Variants in CEP63 observed in about 807,000 individuals in gnomAD.
CEP63 encodes centrosomal protein 63, also known as centrosomal protein of 63 kDa.
Under a neutral mutation model 89.1 loss-of-function variants are expected in CEP63, and 84 were observed. The ratio of observed to expected loss-of-function variants is 0.94; its 90% CI spans 0.79 to 1.13. The LOEUF (loss-of-function observed/expected upper bound fraction) is 1.13. CEP63 is among the 50% of genes most tolerant of loss of function. The pLI, the probability that CEP63 is intolerant of heterozygous loss-of-function variation, is 0.00. For missense variants in CEP63, 838 were observed against 813.3 expected (o/e 1.03, Z -0.37); for synonymous variants, 267 against 272.5 (o/e 0.98, Z 0.20).
intron 11 of CEP63, 47 bp from the exon 12 acceptor site, chr3:134,551,879 T>C (rs772673384): frequency 2.3e-6 from 3 of 1,308,562 alleles, no homozygotes; most frequent in South Asian, 1.2e-5. Context: ...GTAAGATGCA[T>C]GTGATTTACA....
the CEP63 span, among the ~76,000 whole-genome samples, chr3:134,720,522 T>A: frequency 6.6e-6 from 1 of 152,142 alleles, no homozygotes; most frequent in Non-Finnish European, 1.5e-5. Context: ...GTGTCATACA[T>A]AAACAATTCA....
At chr3:134,691,054 A>AT in the CEP63 span, among the ~76,000 whole-genome samples, 1 of 152,156 alleles carries the variant, frequency 6.6e-6, no homozygotes, top group African/African-American at 2.4e-5. Context: ...TGGCCAAGAT[A>AT]TTTTTTAAAT....
chr3:134,599,948 A>G, the CEP63 span, among the ~76,000 whole-genome samples: 3 of 152,236 alleles, frequency 2.0e-5, no homozygotes, highest in Non-Finnish European at 4.4e-5. Flanking sequence ...TATAAATTTT[A>G]TTGAAAAACA....
At chr3:134,485,815 C>G (rs948542884), upstream of CEP63, 2 of 219,004 alleles carry the variant, frequency 9.1e-6, no homozygotes, top group South Asian at 3.3e-4. Context: ...CCTCCCGACA[C>G]GAGTGCAGTA....
the CEP63 span, chr3:134,640,063 C>T: frequency 6.6e-6 from 1 of 152,146 alleles, no homozygotes; most frequent in Non-Finnish European, 1.5e-5. Context: ...GATCCATCTC[C>T]AAAGCCCCTT....
chr3:134,753,023 C>T, the CEP63 span, among the ~76,000 whole-genome samples: 3 of 152,124 alleles, frequency 2.0e-5, no homozygotes, highest in East Asian at 1.9e-4. Context: ...AGTTCAGGCA[C>T]GAAGTGGGCA....
the CEP63 span, among the ~76,000 whole-genome samples, chr3:134,669,089 G>A: frequency 6.6e-6 from 1 of 152,006 alleles, no homozygotes; most frequent in Non-Finnish European, 1.5e-5. Flanking sequence ...GTGGCATGGT[G>A]GTCACTGCTC....
the CEP63 span, among the ~76,000 whole-genome samples, chr3:134,639,321 C>T: frequency 2.6e-5 from 4 of 152,262 alleles, no homozygotes; most frequent in East Asian, 7.7e-4. Flanking sequence ...TACTGCCAAA[C>T]ACAGCATGAA....
chr3:134,568,443 A>G (rs1425587536), downstream of CEP63, among the ~76,000 whole-genome samples: 2 of 152,252 alleles, frequency 1.3e-5, no homozygotes, highest in Non-Finnish European at 2.9e-5. Flanking sequence ...GCAACCCTGC[A>G]GGTTCCTGTG....
At chr3:134,664,111 A>G in the CEP63 span, among the ~76,000 whole-genome samples, 28 of 152,100 alleles carry the variant, frequency 1.8e-4, no homozygotes, top group Non-Finnish European at 2.5e-4. Context: ...CTCCTCCGGC[A>G]TCTGGACACC....
chr3:134,645,352 GC>G, the CEP63 span, among the ~76,000 whole-genome samples: 1 of 152,172 alleles, frequency 6.6e-6, no homozygotes, highest in Admixed American at 6.5e-5. Context: ...GGGAAAATGT[GC>G]CCTTCTGGAT....
chr3:134,742,013 T>TGTGC, the CEP63 span, among the ~76,000 whole-genome samples: 1 of 151,924 alleles, frequency 6.6e-6, no homozygotes, highest in African/African-American at 2.4e-5. Context: ...TGTGTGTGTG[T>TGTGC]GCACTCTCGT....
At chr3:134,556,581 G>C (rs1956231941) in intron 12 of CEP63, among the ~76,000 whole-genome samples, 1 of 152,116 alleles carries the variant, frequency 6.6e-6, no homozygotes, top group South Asian at 2.1e-4. Context: ...TAAAGGCTTA[G>C]GATTCAGCAG....
the CEP63 span, among the ~76,000 whole-genome samples, chr3:134,670,421 C>T: frequency 6.6e-6 from 1 of 152,158 alleles, no homozygotes; most frequent in Non-Finnish European, 1.5e-5. Context: ...ATAGTCAGAG[C>T]CTCCAGTGTG....
chr3:134,499,715 T>G (rs9814567), intron 2 of CEP63, among the ~76,000 whole-genome samples: 1 of 151,856 alleles, frequency 6.6e-6, no homozygotes, highest in East Asian at 1.9e-4. Context: ...TATCCTATCA[T>G]CCAAAGAATG....
chr3:134,753,291 T>C, the CEP63 span, among the ~76,000 whole-genome samples: 1 of 152,144 alleles, frequency 6.6e-6, no homozygotes, highest in East Asian at 1.9e-4. Flanking sequence ...TTCTCCTCTA[T>C]ATTTATCCTA....
At chr3:134,685,212 A>G in the CEP63 span, among the ~76,000 whole-genome samples, 16 of 152,132 alleles carry the variant, frequency 1.1e-4, no homozygotes, top group African/African-American at 3.4e-4. Flanking sequence ...CATCTTATTC[A>G]TAAGTGTATT....
chr3:134,569,213 C>T (rs1246475005), downstream of CEP63, among the ~76,000 whole-genome samples: 2 of 152,198 alleles, frequency 1.3e-5, no homozygotes, highest in African/African-American at 4.8e-5. Flanking sequence ...ATCTTGTGTC[C>T]TCACATTTCA....
the CEP63 span, among the ~76,000 whole-genome samples, chr3:134,681,338 C>T: frequency 6.6e-6 from 1 of 152,082 alleles, no homozygotes; most frequent in Admixed American, 6.5e-5. Context: ...CTGGCCCAAG[C>T]ACAGACAGGA....
Sources: allele counts gnomAD v4.1 joint callset (sites outside exome capture counted in the v4.1 genomes callset), GRCh38; gene constraint gnomAD v4.1.1; transcripts MANE v1.5; gene names NCBI Gene and HGNC (gene_info 2026-07-23, HGNC 2026-07-21).